The following CSMD2 variants were observed in gnomAD, a reference collection of about 807,000 sequenced individuals.
CSMD2 encodes the protein CUB and Sushi multiple domains 2.
A neutral mutation model predicts 398.5 loss-of-function variants in CSMD2; 130 were observed. That is an observed-to-expected ratio of 0.33 (90% CI 0.28 to 0.38). The LOEUF is 0.38. Among genes scored for constraint, CSMD2 ranks in the 10% least tolerant of loss-of-function variants. The pLI, the probability that CSMD2 is intolerant of heterozygous loss-of-function variation, is 1.00. For missense variants in CSMD2, 3,829 were observed against 4,764.9 expected (o/e 0.80, Z 5.78); for synonymous variants, 1,828 against 1,908.5 (o/e 0.96, Z 1.10).
intron 5 of CSMD2, among the ~76,000 whole-genome samples, chr1:33,878,984 A>G (rs1641044433): frequency 6.6e-6 from 1 of 152,186 alleles, no homozygotes. Flanking sequence ...CCGCGGTAAC[A>G]ATGTGTGGTC....
At chr1:33,865,671 C>A (rs1162031936) in intron 5 of CSMD2, among the ~76,000 whole-genome samples, 3 of 152,144 alleles carry the variant, frequency 2.0e-5, no homozygotes, top group African/African-American at 7.2e-5. Flanking sequence ...ATGTGGACAG[C>A]CATTTGCCAT....
At chr1:34,038,330 G>C (rs751743523) in intron 2 of CSMD2, among the ~76,000 whole-genome samples, 3 of 152,202 alleles carry the variant, frequency 2.0e-5, no homozygotes, top group Non-Finnish European at 4.4e-5. Context: ...AGGCAGGTGA[G>C]AGTCCCCTGT....
chr1:33,836,951 C>T (rs968638651), intron 6 of CSMD2, among the ~76,000 whole-genome samples: 5 of 152,222 alleles, frequency 3.3e-5, no homozygotes, highest in East Asian at 3.9e-4. Flanking sequence ...TCTTCTGCGT[C>T]GCTCACGCTG....
intron 2 of CSMD2, among the ~76,000 whole-genome samples, chr1:34,064,996 C>T (rs1654951563): frequency 6.6e-6 from 1 of 152,284 alleles, no homozygotes; most frequent in African/African-American, 2.4e-5. Context: ...GAAACCACCC[C>T]TATGATTCAA....
intron 5 of CSMD2, among the ~76,000 whole-genome samples, chr1:33,912,283 G>A (rs180980523): frequency 1.4e-4 from 21 of 152,224 alleles, no homozygotes; most frequent in Non-Finnish European, 2.6e-4. Flanking sequence ...AAGAGAGACT[G>A]GGAACCACTG....
chr1:33,637,767 C>T (rs1642890409), intron 29 of CSMD2, among the ~76,000 whole-genome samples: 1 of 152,114 alleles, frequency 6.6e-6, no homozygotes, highest in Admixed American at 6.5e-5. Context: ...TGGGGACTCA[C>T]AAAAGGGTGC....
chr1:34,072,256 G>A (rs1395035028), intron 2 of CSMD2, among the ~76,000 whole-genome samples: 1 of 152,190 alleles, frequency 6.6e-6, no homozygotes, highest in African/African-American at 2.4e-5. Flanking sequence ...GAGAATGAGG[G>A]ACTCAATACT....
chr1:33,682,125 T>C (rs1444015095), intron 25 of CSMD2, among the ~76,000 whole-genome samples: 3 of 152,218 alleles, frequency 2.0e-5, no homozygotes, highest in African/African-American at 7.2e-5. Flanking sequence ...CCTCTTCCAA[T>C]TTCTGATGCT....
chr1:34,093,162 C>A (rs1236405168), intron 1 of CSMD2, among the ~76,000 whole-genome samples: 2 of 152,132 alleles, frequency 1.3e-5, no homozygotes, highest in African/African-American at 2.4e-5. Context: ...ACACCTCACA[C>A]TGCAGGGTAC....
At chr1:33,677,129 G>A (rs1644741232) in intron 25 of CSMD2, among the ~76,000 whole-genome samples, 2 of 152,154 alleles carry the variant, frequency 1.3e-5, no homozygotes, top group Non-Finnish European at 2.9e-5. Flanking sequence ...TTAAACTAAA[G>A]AGCTTCTGCA....
chr1:33,611,595 A>C (rs533305971), intron 40 of CSMD2, among the ~76,000 whole-genome samples: 7 of 152,242 alleles, frequency 4.6e-5, no homozygotes, highest in Non-Finnish European at 1.0e-4. Context: ...GTTTTGCTAG[A>C]ATAAACTTTT....
chr1:33,708,924 C>A lies in CSMD2; in HGVS notation c.3576+165G>T, dbSNP rs111344351. On this transcript the variant is annotated intron_variant, in intron 22 of 70. Coordinates refer to ENST00000373381, the MANE Select transcript of CSMD2 (RefSeq NM_001281956.2). ...AACCATATTCTTAGATACCCATATA[C>A]CCCTCTCTTTTGGTCCTCTCTTTCT... 1.2e-3 allele frequency among the ~76,000 whole-genome samples: 183 copies of A among 152,268 alleles called. 1 individual carries two copies. Among genetic ancestry groups the A allele is most frequent in the African/African-American group, 4.0e-3 (166 of 41,550 alleles).
At chr1:33,822,851 T>C (rs1658315424) in intron 7 of CSMD2, among the ~76,000 whole-genome samples, 1 of 152,180 alleles carries the variant, frequency 6.6e-6, no homozygotes, top group Non-Finnish European at 1.5e-5. Context: ...CCGTCCCTAC[T>C]GCAGACTTCC....
chr1:33,713,036 T>A (rs557602), intron 21 of CSMD2, among the ~76,000 whole-genome samples: 83,667 of 152,186 alleles, frequency 0.55, 23,765 homozygotes, highest in African/African-American at 0.69. Context: ...AAAATGCTGA[T>A]AATTATATGC....
rs1030677746 is a variant in CSMD2 at position 34,163,533 on chromosome 1, G to A, written c.187+1378C>T. Among the ~76,000 whole-genome samples, 4 of 152,204 alleles carry A rather than the reference G, an allele frequency of 2.6e-5. No individual in the cohort carries two copies. The highest frequency in any genetic ancestry group is 9.6e-5 in the African/African-American group (4 of 41,460). On this transcript the variant is annotated intron_variant, in intron 1 of 70. Coordinates refer to ENST00000373381, the MANE Select transcript of CSMD2 (RefSeq NM_001281956.2). The surrounding 1 kb of genome is among the most constrained non-coding windows in gnomAD (Gnocchi z 5.4). ...TCACAAGACGCTGAAGGCCAGAGTG[G>A]GCCAGAGAGCTCGCCACTCACTGAC...
Position 33,825,769 on chromosome 1 carries a change from T to C in CSMD2, c.1039A>G (p.Lys347Glu). The C allele has an allele frequency of 6.2e-7, 1 of 1,613,842 alleles. No homozygotes were observed. The highest frequency in any genetic ancestry group is 8.5e-7 in the Non-Finnish European group (1 of 1,179,860). The change falls in exon 7 of 71, where the codon AAG becomes GAG. Residue 347 changes from lysine (K) to glutamate (E), a missense_variant. Coordinates refer to ENST00000373381, the MANE Select transcript of CSMD2 (RefSeq NM_001281956.2). The stretch of plus-strand genomic sequence containing the variant: ...CCTCGAGACTTCAACTCAATTTGCT[T>C]CTTGACTAGAGAGGAGGTAAGAGGA... ...RGFSAQYQVK[K>E]QIELKSRGVK...
At chr1:33,868,050 A>T (rs2125135645) in intron 5 of CSMD2, among the ~76,000 whole-genome samples, 1 of 152,290 alleles carries the variant, frequency 6.6e-6, no homozygotes, top group East Asian at 1.9e-4. Flanking sequence ...GCTTCTAATG[A>T]CTGTAATGTA....
intron 11 of CSMD2, among the ~76,000 whole-genome samples, chr1:33,789,333 A>C (rs1295656361): frequency 6.6e-6 from 1 of 152,220 alleles, no homozygotes; most frequent in Non-Finnish European, 1.5e-5. Flanking sequence ...CCCAACCCCA[A>C]GCACCTACCC....
chr1:34,034,000 A>G (rs943713551), intron 2 of CSMD2, among the ~76,000 whole-genome samples: 2 of 152,184 alleles, frequency 1.3e-5, no homozygotes, highest in African/African-American at 4.8e-5. Flanking sequence ...TTTCAAGGGC[A>G]TCTTCTCTTC....
Sources: allele counts gnomAD v4.1 joint callset (sites outside exome capture counted in the v4.1 genomes callset), GRCh38; gene constraint gnomAD v4.1.1; non-coding constraint Gnocchi (gnomAD v3.1); transcripts MANE v1.5; gene names NCBI Gene and HGNC (gene_info 2026-07-23, HGNC 2026-07-21).